The following ANKRD6 variants were observed in gnomAD, a reference collection of about 807,000 sequenced individuals.
ANKRD6 encodes the protein ankyrin repeat domain-containing protein 6.
In ANKRD6, 56 loss-of-function variants were observed where a neutral mutation model predicts 82.3. The ratio of observed to expected loss-of-function variants is 0.68; its 90% CI spans 0.55 to 0.85. The LOEUF (loss-of-function observed/expected upper bound fraction) is 0.85, where lower values mean the gene tolerates loss of function less well. Among genes scored for constraint, ANKRD6 ranks in the 40% least tolerant of loss-of-function variants. The probability of loss-of-function intolerance (pLI) is 0.00; values close to 1 mark genes in which losing one functional copy is unlikely to be tolerated. For synonymous variants in ANKRD6, 347 were observed against 352.1 expected (o/e 0.99, Z 0.16); for missense variants, 852 against 907.6 (o/e 0.94, Z 0.79).
Position 89,630,715 on chromosome 6 carries a change from G to T in ANKRD6, c.1895G>T (p.Arg632Leu). The T allele has an allele frequency of 6.2e-7, 1 of 1,613,862 alleles. No homozygotes were observed. Among genetic ancestry groups the T allele is most frequent in the Non-Finnish European group, 8.5e-7 (1 of 1,179,854 alleles). ...GGGAAGAGTGGGCCAACAAGGCATC[G>T]TGCCCAGCAACCCGCAGCCAGCAGC... ...KSGKSGPTRH[R>L]AQQPAASSTC... The change falls in exon 16 of 16, where the codon CGT (arginine) becomes CTT (leucine). Residue 632 changes from arginine (R) to leucine (L), a missense_variant. Coordinates refer to ENST00000339746, the MANE Select transcript of ANKRD6 (RefSeq NM_001242809.2).
chr6:89,528,812 T>C (rs954717187), intron 1 of ANKRD6, among the ~76,000 whole-genome samples: 2 of 152,210 alleles, frequency 1.3e-5, no homozygotes, highest in Non-Finnish European at 2.9e-5. Flanking sequence ...ACAGTAATCT[T>C]TTTGTACATC....
At position 89,595,983 on chromosome 6, in the gene ANKRD6, A is replaced by G; in HGVS notation, c.188A>G (p.Lys63Arg). 2 of 1,610,652 alleles carry G rather than the reference A, an allele frequency of 1.2e-6. No individual in the cohort carries two copies. Among genetic ancestry groups the G allele is most frequent in the African/African-American group, 2.7e-5 (2 of 75,018 alleles). Residue 63 changes from lysine (K) to arginine (R), a missense_variant, in exon 3 of 16, where the codon AAG (lysine) becomes AGG (arginine). Transcript: ENST00000339746. ...GHLPVVQILL[K>R]AGCDLDVQDD... ...CTTCCTGTGGTCCAGATCTTGCTGAAGGCTGGCTGCGACCTTGATGTCCAG... is the reference window on the plus strand; with the variant it reads ...CTTCCTGTGGTCCAGATCTTGCTGAGGGCTGGCTGCGACCTTGATGTCCAG...
intron 15 of ANKRD6, chr6:89,629,564 C>T (rs922900864): frequency 8.5e-6 from 3 of 351,372 alleles, no homozygotes; most frequent in Admixed American, 3.9e-5. Context: ...CATCGGTCTC[C>T]TCAGCAGGGC....
In ANKRD6 at chr6:89,629,239, G is replaced by A. The variant is rs1343437282; in HGVS notation, c.1612+1G>A. The A allele has an allele frequency of 8.1e-6, 13 of 1,613,656 alleles. No homozygotes were observed. The Admixed American group carries it at 2.0e-4, about 25-fold the overall frequency. On this transcript the variant is annotated splice_donor_variant, in intron 15 of 15. Transcript: ENST00000339746. LOFTEE classifies it high-confidence loss of function. ...CCATCTACTTGTGAGTCCTCTACAGGTAACCCACACACAGAGAGCCCTTTT... is the reference window on the plus strand; with the variant it reads ...CCATCTACTTGTGAGTCCTCTACAGATAACCCACACACAGAGAGCCCTTTT...
intron 9 of ANKRD6, chr6:89,620,103 T>G (rs1802653658): frequency 6.6e-6 from 1 of 152,242 alleles, no homozygotes; most frequent in Admixed American, 6.6e-5. Context: ...CCACCCACCT[T>G]GGCCTCCCAA....
chr6:89,596,373 G>A (rs1795902520), intron 3 of ANKRD6, among the ~76,000 whole-genome samples: 1 of 152,120 alleles, frequency 6.6e-6, no homozygotes, highest in Non-Finnish European at 1.5e-5. Context: ...GTATGGGCAA[G>A]ACTTGCCGGA....
intron 1 of ANKRD6, among the ~76,000 whole-genome samples, chr6:89,500,813 G>A (rs532727583): frequency 1.3e-5 from 2 of 152,238 alleles, no homozygotes; most frequent in African/African-American, 4.8e-5. Flanking sequence ...CCAGGACTGT[G>A]GGCCGTAGTT....
At chr6:89,536,525 G>C (rs1783862619) in intron 1 of ANKRD6, among the ~76,000 whole-genome samples, 1 of 152,242 alleles carries the variant, frequency 6.6e-6, no homozygotes, top group South Asian at 2.1e-4. Context: ...AATGCAGCGT[G>C]ACTGTCCTCT....
At chr6:89,440,989 G>GT (rs550174913) in intron 1 of ANKRD6, among the ~76,000 whole-genome samples, 55 of 151,944 alleles carry the variant, frequency 3.6e-4, no homozygotes, top group East Asian at 1.2e-3. Flanking sequence ...TTTACTATCT[G>GT]TTTTTTTACA....
chr6:89,449,759 C>G (rs1772581694), intron 1 of ANKRD6, among the ~76,000 whole-genome samples: 1 of 152,184 alleles, frequency 6.6e-6, no homozygotes, highest in South Asian at 2.1e-4. Flanking sequence ...CTCCCCTCTT[C>G]AGTTGCATAT....
intron 1 of ANKRD6, among the ~76,000 whole-genome samples, chr6:89,527,601 CAA>C (rs35855223): frequency 2.2e-5 from 1 of 45,682 alleles, no homozygotes; most frequent in African/African-American, 8.7e-5. Flanking sequence ...GACTCCGTCT[CAA>C]AAAAAAAAAA....
chr6:89,440,576 T>G (rs1771247372), intron 1 of ANKRD6, among the ~76,000 whole-genome samples: 1 of 152,220 alleles, frequency 6.6e-6, no homozygotes, highest in Non-Finnish European at 1.5e-5. Context: ...AAATAATCCT[T>G]ATGCCAAAGT....
chr6:89,547,989 T>C (rs1785326357), intron 1 of ANKRD6, among the ~76,000 whole-genome samples: 1 of 152,222 alleles, frequency 6.6e-6, no homozygotes, highest in Admixed American at 6.5e-5. Flanking sequence ...TCAGTTGGAA[T>C]GAAATCCGTG....
chr6:89,455,596 G>A (rs1773405825), intron 1 of ANKRD6, among the ~76,000 whole-genome samples: 1 of 152,102 alleles, frequency 6.6e-6, no homozygotes. Context: ...CTCATGAATG[G>A]TTTAGCACCG....
rs1287476268 is a variant in ANKRD6, at chr6:89,433,845, G to A, written c.-144+470G>A. On this transcript the variant is annotated intron_variant, in intron 1 of 15. Transcript: ENST00000339746. The surrounding 1 kb of genome is among the most constrained non-coding windows in gnomAD (Gnocchi z 4.3). ...ACTAGGGTGCAGTCGCAGGAGAGGG[G>A]CCGATACCCCTCAGGAGCCCCATCG... 6.6e-6 allele frequency among the ~76,000 whole-genome samples: 1 copy of A among 152,220 alleles called. No homozygotes were observed.
At chr6:89,440,704 T>A (rs1771261498) in intron 1 of ANKRD6, among the ~76,000 whole-genome samples, 1 of 151,950 alleles carries the variant, frequency 6.6e-6, no homozygotes, top group Non-Finnish European at 1.5e-5. Context: ...GGTGGGAGGA[T>A]CGATCGCTTG....
chr6:89,523,478 G>C (rs1447414907), intron 1 of ANKRD6, among the ~76,000 whole-genome samples: 1 of 152,156 alleles, frequency 6.6e-6, no homozygotes, highest in Non-Finnish European at 1.5e-5. Context: ...TAGCTCAGAG[G>C]TACTGACCTG....
At position 89,617,938 on chromosome 6, in the gene ANKRD6, C is replaced by T. The variant is rs749032053; in HGVS notation, c.715-16C>T. 1.9e-6 allele frequency: 3 copies of T among 1,613,388 alleles called. No homozygotes were observed. The highest frequency in any genetic ancestry group is 3.3e-5 in the Admixed American group (2 of 60,036). On this transcript the variant is annotated splice_polypyrimidine_tract_variant and intron_variant, in intron 8 of 15. Transcript: ENST00000339746. The stretch of plus-strand genomic sequence containing the variant: ...CCGTGGCCCTTTCTCACCTGTCCTA[C>T]TCTGCCTCTCCTCAGGCAGGCCAGA...
intron 1 of ANKRD6, among the ~76,000 whole-genome samples, chr6:89,492,155 G>A (rs56396427): frequency 0.06 from 9,062 of 152,272 alleles, 289 homozygotes; most frequent in South Asian, 0.13. Flanking sequence ...AAGGAAAGAT[G>A]CTTTTCCTCC....
Sources: allele counts gnomAD v4.1 joint callset (sites outside exome capture counted in the v4.1 genomes callset), GRCh38; gene constraint gnomAD v4.1.1; non-coding constraint Gnocchi (gnomAD v3.1); transcripts MANE v1.5; gene names NCBI Gene and HGNC (gene_info 2026-07-23, HGNC 2026-07-21).